NPHP1: variants seen among roughly 807,000 people sequenced by gnomAD.
The protein encoded by NPHP1 is nephrocystin-1.
Under a neutral mutation model 90.4 loss-of-function variants are expected in NPHP1, and 70 were observed. That is an observed-to-expected ratio of 0.77 (90% confidence interval 0.64 to 0.95). NPHP1 has a LOEUF of 0.95. Ranked by LOEUF, NPHP1 falls within the 40% of genes least tolerant of loss-of-function variation. NPHP1 has a pLI of 0.00. For missense variants in NPHP1, 764 were observed against 795.9 expected (o/e 0.96, Z 0.48); for synonymous variants, 256 against 271.7 (o/e 0.94, Z 0.57).
At chr2:110,167,433 G>T (rs1682796683) in intron 6 of NPHP1, among the ~76,000 whole-genome samples, 1 of 152,060 alleles carries the variant, frequency 6.6e-6, no homozygotes, top group African/African-American at 2.4e-5. Context: ...CATGGCTAAT[G>T]AAACCTTCAG....
chr2:110,177,422 C>T (rs1683577945), intron 4 of NPHP1, among the ~76,000 whole-genome samples: 3 of 152,116 alleles, frequency 2.0e-5, no homozygotes, highest in Admixed American at 2.0e-4. Context: ...TGGGTTTGTT[C>T]GTACAGGTTG....
At chr2:110,140,867 C>G (rs1037471852) in intron 16 of NPHP1, among the ~76,000 whole-genome samples, 1 of 152,206 alleles carries the variant, frequency 6.6e-6, no homozygotes, top group East Asian at 1.9e-4. Context: ...AAAGATTGAA[C>G]TGTTAACACT....
intron 2 of NPHP1, among the ~76,000 whole-genome samples, chr2:110,186,188 C>A (rs1684270869): frequency 6.6e-6 from 1 of 152,202 alleles, no homozygotes; most frequent in African/African-American, 2.4e-5. Context: ...CTCTTTCTCC[C>A]TCTTTCTCTT....
At chr2:110,200,333 G>C (rs1355960473) in intron 2 of NPHP1, among the ~76,000 whole-genome samples, 2 of 152,084 alleles carry the variant, frequency 1.3e-5, no homozygotes, top group Non-Finnish European at 2.9e-5. Flanking sequence ...GGAGGCCAAG[G>C]CTGGGGGATC....
Position 110,123,997 on chromosome 2 carries a change from G to A in NPHP1, c.1828C>T (p.His610Tyr). Residue 610 changes from histidine to tyrosine, a missense_variant, in exon 20 of 20, where the codon CAC becomes TAC. By Grantham distance (83) the His-to-Tyr change is moderately conservative. Transcript: ENST00000445609. ...CTGAATGGGGGTAGGCGTGTGGAGT[G>A]GAGAAGTGGGAGCACGCAGTCATGG... The part of the protein sequence containing the change: ...VYHDCVLPLL[H>Y]STRLPPFRWA... The A allele has an allele frequency of 6.2e-7, 1 of 1,613,978 alleles. No individual in the cohort carries two copies. Among genetic ancestry groups the A allele is most frequent in the Non-Finnish European group, 8.5e-7 (1 of 1,179,856 alleles).
chr2:110,144,805 A>G (rs1012588500), intron 14 of NPHP1, among the ~76,000 whole-genome samples: 9 of 152,172 alleles, frequency 5.9e-5, no homozygotes, highest in African/African-American at 2.2e-4. Context: ...TACACTGTAG[A>G]AAATACATTT....
chr2:110,157,552 C>G (rs956827159), intron 11 of NPHP1, among the ~76,000 whole-genome samples: 4 of 152,098 alleles, frequency 2.6e-5, no homozygotes, highest in Non-Finnish European at 4.4e-5. Context: ...AAACGTGGTC[C>G]TCTTCCAGTG....
At chr2:110,127,684 C>T (rs981064407) in intron 18 of NPHP1, 9 of 152,236 alleles carry the variant, frequency 5.9e-5, no homozygotes, top group East Asian at 5.8e-4. Context: ...AGAGCTGACC[C>T]GCAGGGACAG....
At chr2:110,186,374 G>A (rs1684285416) in intron 2 of NPHP1, among the ~76,000 whole-genome samples, 1 of 152,164 alleles carries the variant, frequency 6.6e-6, no homozygotes, top group South Asian at 2.1e-4. Flanking sequence ...AGCTGACCAG[G>A]CAACTAAGCT....
rs749515088 is a variant in NPHP1, at chr2:110,204,988, T to C, written c.-20A>G. ...CAGCATCTCCCTGGCTGCGGTGCTCTGATTGCTCCAGTTGCCAGGGAAACC... is the reference window on the plus strand; with the variant it reads ...CAGCATCTCCCTGGCTGCGGTGCTCCGATTGCTCCAGTTGCCAGGGAAACC... On this transcript the variant is annotated 5_prime_UTR_variant, in exon 1 of 20. Coordinates refer to ENST00000445609, the MANE Select transcript of NPHP1 (RefSeq NM_001128178.3). 1.5e-5 allele frequency: 25 copies of C among 1,613,416 alleles called. No individual in the cohort carries two copies. The highest frequency in any genetic ancestry group is 5.3e-5 in the African/African-American group (4 of 74,928).
At chr2:110,202,735 C>G (rs891752334) in intron 1 of NPHP1, among the ~76,000 whole-genome samples, 1 of 152,144 alleles carries the variant, frequency 6.6e-6, no homozygotes, top group Non-Finnish European at 1.5e-5. Flanking sequence ...CCATCTCACA[C>G]TGGTCAAAAT....
chr2:110,133,290 C>A (rs954395462), intron 16 of NPHP1, among the ~76,000 whole-genome samples: 1 of 151,934 alleles, frequency 6.6e-6, no homozygotes, highest in Non-Finnish European at 1.5e-5. Flanking sequence ...ACTTCAAGCC[C>A]CCCAAAAGTT....
At chr2:110,125,366 T>C (rs1437820991) in intron 19 of NPHP1, 9 of 1,498,890 alleles carry the variant, frequency 6.0e-6, no homozygotes, top group Non-Finnish European at 7.1e-6. Flanking sequence ...GATACACAAC[T>C]GAGAGACTTT....
chr2:110,170,129 A>G, intron 4 of NPHP1, 131 bp from the exon 5 acceptor site: 1 of 1,239,360 alleles, frequency 8.1e-7, no homozygotes, highest in Non-Finnish European at 1.2e-6. Flanking sequence ...AAGGGAAAAT[A>G]CAAAGAACAG....
intron 16 of NPHP1, among the ~76,000 whole-genome samples, chr2:110,141,027 G>A (rs1270060888): frequency 1.3e-5 from 2 of 152,122 alleles, no homozygotes; most frequent in African/African-American, 2.4e-5. Context: ...CAATGAGCAG[G>A]TCATGGTGGG....
At chr2:110,138,559 G>A (rs185047698) in intron 16 of NPHP1, among the ~76,000 whole-genome samples, 1 of 152,178 alleles carries the variant, frequency 6.6e-6, no homozygotes, top group East Asian at 1.9e-4. Flanking sequence ...CATTTCAGCT[G>A]CCTCAGTGTC....
chr2:110,165,256 A>G lies in NPHP1; in HGVS notation c.625-101T>C. On this transcript the variant is annotated intron_variant, in intron 6 of 19. Coordinates refer to ENST00000445609, the MANE Select transcript of NPHP1 (RefSeq NM_001128178.3). The stretch of plus-strand genomic sequence containing the variant: ...CTAACCCTCCAGTAAAAACAAAAAC[A>G]AGCTTTTCTGTTTAAAAACAAAAAA... The G allele has an allele frequency of 1.2e-5, 11 of 923,832 alleles. No homozygotes were observed. In the South Asian group the frequency reaches 1.5e-4, roughly 13 times the overall value. 57.2% of individuals were successfully genotyped at this position (923,832 alleles called of 1,614,324 possible).
intron 1 of NPHP1, among the ~76,000 whole-genome samples, chr2:110,204,123 C>A (rs763399952): frequency 2.0e-5 from 3 of 152,102 alleles, no homozygotes; most frequent in African/African-American, 7.2e-5. Flanking sequence ...CATAGCAGAT[C>A]CCTGGAAATG....
At chr2:110,188,663 TAA>T (rs1684459175) in intron 2 of NPHP1, among the ~76,000 whole-genome samples, 1 of 151,934 alleles carries the variant, frequency 6.6e-6, no homozygotes, top group Non-Finnish European at 1.5e-5. Context: ...AAAGCTATTT[TAA>T]AATTTATATG....
Sources: allele counts gnomAD v4.1 joint callset (sites outside exome capture counted in the v4.1 genomes callset), GRCh38; gene constraint gnomAD v4.1.1; transcripts MANE v1.5; gene names NCBI Gene and HGNC (gene_info 2026-07-23, HGNC 2026-07-21).